RBFOX1: variants seen among roughly 807,000 people sequenced by gnomAD.
The protein encoded by RBFOX1 is RNA binding fox-1 homolog 1.
RBFOX1 carries 8 observed loss-of-function variants against 57.7 expected under a neutral mutation model. That is an observed-to-expected ratio of 0.14 (90% CI 0.08 to 0.25). The LOEUF (loss-of-function observed/expected upper bound fraction) is 0.25, where lower values mean the gene tolerates loss of function less well. Among genes scored for constraint, RBFOX1 ranks in the 10% least tolerant of loss-of-function variants. The pLI is 1.00. For synonymous variants in RBFOX1, 326 were observed against 222.4 expected (o/e 1.47, Z -4.15); for missense variants, 611 against 548.5 (o/e 1.11, Z -1.14).
intron 3 of RBFOX1, among the ~76,000 whole-genome samples, chr16:5,777,520 C>G (rs192053647): frequency 2.0e-5 from 3 of 152,302 alleles, no homozygotes; most frequent in East Asian, 3.9e-4. Context: ...AGAGCATAGG[C>G]TCTGAAGTTG....
intron 4 of RBFOX1, among the ~76,000 whole-genome samples, chr16:7,456,742 T>G (rs901746734): frequency 9.9e-5 from 15 of 152,136 alleles, no homozygotes; most frequent in African/African-American, 3.6e-4. Context: ...CCTATGGCTG[T>G]GCTCTGTGCA....
At chr16:5,523,915 G>T (rs2044128266) in intron 2 of RBFOX1, among the ~76,000 whole-genome samples, 1 of 152,164 alleles carries the variant, frequency 6.6e-6, no homozygotes, top group Non-Finnish European at 1.5e-5. Flanking sequence ...CACAGGGACG[G>T]ACCAGAAGGT....
intron 2 of RBFOX1, among the ~76,000 whole-genome samples, chr16:6,561,684 A>T (rs1599882043): frequency 7.2e-5 from 11 of 152,028 alleles, no homozygotes; most frequent in Admixed American, 7.2e-4. Context: ...TTTTTCTTTT[A>T]TGCTAGTTGC....
rs563411240 is a variant in RBFOX1 at position 6,948,824 on chromosome 16, ATGATT to A, written c.-15-103225_-15-103221del. Among the ~76,000 whole-genome samples, 7 of 152,280 alleles carry A rather than the reference ATGATT, an allele frequency of 4.6e-5. No homozygotes were observed. In the East Asian group the frequency reaches 1.4e-3, roughly 30 times the overall value. On this transcript the variant is annotated intron_variant, in intron 3 of 15. Transcript: ENST00000550418. Reference sequence around the variant, plus strand: ...TAATTTTAGCCTAAATCCTAGAGAGATGATTTGATTTGTGTCATCAGTCTTCTGTC... The same window carrying A: ...TAATTTTAGCCTAAATCCTAGAGAGATGATTTGTGTCATCAGTCTTCTGTC...
At chr16:6,332,089 T>C (rs2083107237) in intron 2 of RBFOX1, among the ~76,000 whole-genome samples, 1 of 152,178 alleles carries the variant, frequency 6.6e-6, no homozygotes, top group South Asian at 2.1e-4. Flanking sequence ...ATAATTAGTT[T>C]AGTTAGATGT....
At chr16:5,969,298 C>CTTTTTTTTTTTTTTTTTTTT (rs71142659) in intron 4 of RBFOX1, among the ~76,000 whole-genome samples, 1 of 83,750 alleles carries the variant, frequency 1.2e-5, no homozygotes, top group Non-Finnish European at 2.1e-5. Flanking sequence ...TTCGGTTGTT[C>CTTTTTTTTTTTTTTTTTTTT]TTTTTTTTTT....
intron 4 of RBFOX1, among the ~76,000 whole-genome samples, chr16:5,977,759 G>A (rs1187795053): frequency 6.6e-6 from 1 of 152,026 alleles, no homozygotes; most frequent in Non-Finnish European, 1.5e-5. Context: ...TGTGGGGCAG[G>A]CAACTAGCCC....
chr16:6,445,900 G>C (rs755934263), intron 2 of RBFOX1, among the ~76,000 whole-genome samples: 1 of 151,840 alleles, frequency 6.6e-6, no homozygotes, highest in Non-Finnish European at 1.5e-5. Context: ...CTCTTTAAAG[G>C]TGAGGCTCAT....
intron 2 of RBFOX1, among the ~76,000 whole-genome samples, chr16:6,561,605 G>A (rs1465442735): frequency 6.6e-6 from 1 of 152,106 alleles, no homozygotes; most frequent in Non-Finnish European, 1.5e-5. Flanking sequence ...AATTTTAGGA[G>A]GAAAATTCAA....
intron 2 of RBFOX1, among the ~76,000 whole-genome samples, chr16:6,576,362 C>T (rs996944848): frequency 2.6e-5 from 4 of 152,124 alleles, no homozygotes; most frequent in South Asian, 2.1e-4. Flanking sequence ...CCGGAGTACC[C>T]GGAGAAAACC....
At chr16:6,737,887 G>A (rs1603482424) in intron 3 of RBFOX1, among the ~76,000 whole-genome samples, 2 of 152,108 alleles carry the variant, frequency 1.3e-5, no homozygotes, top group Admixed American at 6.5e-5. Context: ...CGAGATGGGG[G>A]AAGCCATGAA....
chr16:5,619,032 T>C (rs1378530010), intron 3 of RBFOX1, among the ~76,000 whole-genome samples: 1 of 152,200 alleles, frequency 6.6e-6, no homozygotes, highest in East Asian at 1.9e-4. Flanking sequence ...AATGTGGCTG[T>C]TGCCCCTGGA....
intron 4 of RBFOX1, among the ~76,000 whole-genome samples, chr16:6,003,061 C>G (rs1010419532): frequency 5.9e-5 from 9 of 152,042 alleles, no homozygotes; most frequent in African/African-American, 2.2e-4. Flanking sequence ...GGGTGGATCA[C>G]GAGGTCAGGA....
chr16:6,052,246 C>T (rs1019332925), intron 1 of RBFOX1, among the ~76,000 whole-genome samples: 1 of 152,138 alleles, frequency 6.6e-6, no homozygotes, highest in African/African-American at 2.4e-5. Context: ...TTATCCCTAA[C>T]TCTTCTTACT....
chr16:6,667,886 C>G (rs1195931060), intron 3 of RBFOX1, among the ~76,000 whole-genome samples: 2 of 151,542 alleles, frequency 1.3e-5, no homozygotes, highest in Non-Finnish European at 2.9e-5. Flanking sequence ...AAGACCCTAT[C>G]TTTAAAAAAC....
At chr16:6,136,096 G>C (rs1026142898) in intron 1 of RBFOX1, among the ~76,000 whole-genome samples, 2 of 152,052 alleles carry the variant, frequency 1.3e-5, no homozygotes, top group African/African-American at 4.8e-5. Context: ...TGCCTGGCCT[G>C]TTTTGACCTT....
intron 3 of RBFOX1, among the ~76,000 whole-genome samples, chr16:5,707,350 C>G (rs1242515176): frequency 1.3e-5 from 2 of 152,146 alleles, no homozygotes; most frequent in Non-Finnish European, 2.9e-5. Context: ...TAAGTCAGTT[C>G]TTTAAGAGCC....
At chr16:6,769,754 A>G (rs915908215) in intron 3 of RBFOX1, among the ~76,000 whole-genome samples, 1 of 152,188 alleles carries the variant, frequency 6.6e-6, no homozygotes, top group South Asian at 2.1e-4. Flanking sequence ...AAATCTAACA[A>G]AGGCATGAGA....
chr16:6,220,730 C>CT (rs1567708174), intron 1 of RBFOX1, among the ~76,000 whole-genome samples: 3 of 120,200 alleles, frequency 2.5e-5, no homozygotes, highest in South Asian at 2.7e-4. Flanking sequence ...CCGCCCCCCC[C>CT]CAGTGGAAAA....
Sources: allele counts gnomAD v4.1 joint callset (sites outside exome capture counted in the v4.1 genomes callset), GRCh38; gene constraint gnomAD v4.1.1; transcripts MANE v1.5; gene names NCBI Gene and HGNC (gene_info 2026-07-23, HGNC 2026-07-21).